Variants in ATP6V1A observed in about 807,000 individuals in gnomAD.
ATP6V1A encodes the protein V-type proton ATPase catalytic subunit A.
ATP6V1A carries 18 observed loss-of-function variants against 70.1 expected under a neutral mutation model. The observed-to-expected ratio is 0.26, with a 90% CI of 0.18 to 0.38. The LOEUF (loss-of-function observed/expected upper bound fraction) is 0.38, where lower values mean the gene tolerates loss of function less well. Ranked by LOEUF, ATP6V1A falls within the 10% of genes least tolerant of loss-of-function variation. ATP6V1A has a pLI of 1.00. For missense variants in ATP6V1A, 424 were observed against 772.4 expected (o/e 0.55, Z 5.35); for synonymous variants, 232 against 253.8 (o/e 0.91, Z 0.82).
chr3:113,764,850 C>T lies in ATP6V1A; in HGVS notation c.-13-13891C>T, dbSNP rs1708750939. The stretch of plus-strand genomic sequence containing the variant: ...ACTGTAATCATGCCTGTAATCCTAG[C>T]TCATGCCTGTAATCCCAGCACTGAG... On this transcript the variant is annotated intron_variant, in intron 1 of 14. Transcript: ENST00000273398. Among the ~76,000 whole-genome samples the T allele has an allele frequency of 2.0e-5, 3 of 151,994 alleles. No individual in the cohort carries two copies. The South Asian group carries it at 6.2e-4, about 31-fold the overall frequency.
rs1190593959 is a variant in ATP6V1A at position 113,781,114 on chromosome 3, A to G, written c.147A>G (p.Glu49=). 1 of 1,613,848 alleles carries G rather than the reference A, an allele frequency of 6.2e-7. No homozygotes were observed. Among genetic ancestry groups the G allele is most frequent in the Admixed American group, 1.7e-5 (1 of 59,996 alleles). The change falls in exon 3 of 15, where the codon GAA becomes GAG. Residue 49 remains glutamate (E), a synonymous_variant. Coordinates refer to ENST00000273398, the MANE Select transcript of ATP6V1A (RefSeq NM_001690.4). The part of the protein sequence containing the change: ...MYELVRVGHS[E]LVGEIIRLEG... ...AGCTGGTGAGAGTGGGCCACAGCGA[A>G]TTGGTTGGAGAGATTATTCGATTGG... is the stretch of plus-strand genomic sequence containing the variant.
At chr3:113,793,993 AG>A (rs1709126723) in intron 8 of ATP6V1A, among the ~76,000 whole-genome samples, 1 of 152,168 alleles carries the variant, frequency 6.6e-6, no homozygotes, top group East Asian at 1.9e-4. Flanking sequence ...ACAAGTATAT[AG>A]GGCAGGCGTT....
At chr3:113,771,950 A>T (rs1490419666) in intron 1 of ATP6V1A, among the ~76,000 whole-genome samples, 2 of 152,088 alleles carry the variant, frequency 1.3e-5, no homozygotes, top group Non-Finnish European at 2.9e-5. Context: ...ACATTCTGGG[A>T]TGGGGTAGAT....
At chr3:113,797,101 A>C (rs1011087909) in intron 11 of ATP6V1A, among the ~76,000 whole-genome samples, 1 of 151,798 alleles carries the variant, frequency 6.6e-6, no homozygotes. Flanking sequence ...ACACCTGGCT[A>C]ATTTTTTGTG....
chr3:113,785,978 C>T (rs1008589913), intron 5 of ATP6V1A, among the ~76,000 whole-genome samples: 5 of 144,796 alleles, frequency 3.5e-5, no homozygotes, highest in Non-Finnish European at 7.5e-5. Flanking sequence ...GCTGGGATTA[C>T]AGTCACAAGT....
intron 1 of ATP6V1A, among the ~76,000 whole-genome samples, chr3:113,776,163 A>C (rs1414486765): frequency 1.3e-5 from 2 of 152,048 alleles, no homozygotes; most frequent in Non-Finnish European, 2.9e-5. Flanking sequence ...GTTTGAGGCC[A>C]ATCTGGGCAA....
rs767316490 is a variant in ATP6V1A, at chr3:113,778,846, C to T, written c.82+11C>T. On this transcript the variant is annotated intron_variant, in intron 2 of 14. Coordinates refer to ENST00000273398, the MANE Select transcript of ATP6V1A (RefSeq NM_001690.4). ...GGGTCTCAGGACCTGGTAAGTAATA[C>T]ATCATAATCTCAAAATAAGGATATC... 5.3e-6 allele frequency: 8 copies of T among 1,502,120 alleles called. No homozygotes were observed. Among genetic ancestry groups the T allele is most frequent in the African/African-American group, 1.4e-5 (1 of 70,040 alleles). 93.0% of individuals were successfully genotyped at this position (1,502,120 alleles called of 1,614,324 possible).
chr3:113,777,324 A>C (rs1708925644), intron 1 of ATP6V1A, among the ~76,000 whole-genome samples: 1 of 152,238 alleles, frequency 6.6e-6, no homozygotes, highest in African/African-American at 2.4e-5. Context: ...GTAATAAATA[A>C]ATACTTTTAA....
At chr3:113,773,216 G>A (rs1708871190) in intron 1 of ATP6V1A, among the ~76,000 whole-genome samples, 1 of 152,070 alleles carries the variant, frequency 6.6e-6, no homozygotes, top group African/African-American at 2.4e-5. Flanking sequence ...GGGATTACAG[G>A]TGTGAGCCAC....
At chr3:113,798,914 A>G (rs115371101) in intron 12 of ATP6V1A, among the ~76,000 whole-genome samples, 143 of 152,330 alleles carry the variant, frequency 9.4e-4, no homozygotes, top group African/African-American at 3.1e-3. Flanking sequence ...ATGCAATGCT[A>G]GTTAGTACTC....
At chr3:113,767,590 G>A (rs1054124698) in intron 1 of ATP6V1A, among the ~76,000 whole-genome samples, 2 of 151,958 alleles carry the variant, frequency 1.3e-5, no homozygotes, top group African/African-American at 2.4e-5. Flanking sequence ...ACTCAATACA[G>A]TATTTTGTTA....
rs752561873 is a variant in ATP6V1A, at chr3:113,798,382, C to T, written c.1430C>T (p.Thr477Met). 15 of 1,613,390 alleles carry T rather than the reference C, an allele frequency of 9.3e-6. No individual in the cohort carries two copies. The highest frequency in any genetic ancestry group is 1.3e-5 in the African/African-American group (1 of 74,740). Reference sequence around the variant, plus strand: ...TTCACAGAGTTCGTTCCTCTGAGGACGAAAGCTAAGGAAATTCTGCAGGAA... The same window carrying T: ...TTCACAGAGTTCGTTCCTCTGAGGATGAAAGCTAAGGAAATTCTGCAGGAA... ...KHFTEFVPLR[T>M]KAKEILQEEE... Residue 477 changes from threonine to methionine, a missense_variant, in exon 12 of 15, where the codon ACG becomes ATG. This residue lies in a region of ATP6V1A where 127 missense variants were observed against 207.9 expected (regional missense o/e 0.61). Transcript: ENST00000273398.
At chr3:113,808,056 G>T (rs1264045576) in intron 14 of ATP6V1A, among the ~76,000 whole-genome samples, 3 of 151,444 alleles carry the variant, frequency 2.0e-5, no homozygotes, top group Non-Finnish European at 4.4e-5. Flanking sequence ...CTTAAGCCCG[G>T]GAGGTGGAGG....
At chr3:113,782,524 T>TTCTC (rs35128741) in intron 3 of ATP6V1A, among the ~76,000 whole-genome samples, 193 of 140,228 alleles carry the variant, frequency 1.4e-3, no homozygotes, top group African/African-American at 3.9e-3. Context: ...TTTCTTTCCT[T>TTCTC]TCTCTCTCTC....
chr3:113,780,760 C>G, intron 2 of ATP6V1A: 1 of 1,307,248 alleles, frequency 7.6e-7, no homozygotes, highest in East Asian at 5.1e-5. Context: ...TAGCAACTCT[C>G]AGAACATACC....
At chr3:113,781,324 C>T in intron 3 of ATP6V1A, 146 bp downstream of exon 3, 1 of 866,638 alleles carries the variant, frequency 1.2e-6, no homozygotes, top group Non-Finnish European at 1.7e-6. Flanking sequence ...TGAGACCAGC[C>T]TGGCCAACAT....
At chr3:113,780,648 T>C (rs1708967849) in intron 2 of ATP6V1A, 2 of 803,030 alleles carry the variant, frequency 2.5e-6, no homozygotes, top group Non-Finnish European at 3.5e-6. Context: ...AGCGAAGTGA[T>C]AATTGTGTGG....
intron 3 of ATP6V1A, 51 bp from the exon 4 acceptor site, chr3:113,784,173 A>T (rs1709012557): frequency 4.0e-6 from 6 of 1,518,606 alleles, no homozygotes; most frequent in Non-Finnish European, 5.5e-6. Context: ...ATTTCCTGTT[A>T]ATTGTGTCTT....
intron 10 of ATP6V1A, 69 bp from the exon 11 acceptor site, chr3:113,795,807 T>C: frequency 8.6e-7 from 1 of 1,168,158 alleles, no homozygotes; most frequent in South Asian, 1.4e-5. Flanking sequence ...CATTTATATA[T>C]ATGTTATTTT....
Sources: allele counts gnomAD v4.1 joint callset (sites outside exome capture counted in the v4.1 genomes callset), GRCh38; gene constraint gnomAD v4.1.1; regional missense constraint gnomAD v4.1.1; transcripts MANE v1.5; gene names NCBI Gene and HGNC (gene_info 2026-07-23, HGNC 2026-07-21).